CDKL4: variants seen among roughly 807,000 people sequenced by gnomAD.
CDKL4 encodes cyclin dependent kinase like 4.
A neutral mutation model predicts 42.0 loss-of-function variants in CDKL4; 44 were observed. The observed-to-expected ratio is 1.05, with a 90% CI of 0.82 to 1.35. The LOEUF is 1.35. CDKL4 is among the 40% of genes most tolerant of loss of function. The pLI is 0.00. For synonymous variants in CDKL4, 120 were observed against 121.6 expected (o/e 0.99, Z 0.09); for missense variants, 393 against 369.9 (o/e 1.06, Z -0.51).
At chr2:39,179,703 G>A (rs1044309192) in intron 8 of CDKL4, among the ~76,000 whole-genome samples, 2 of 152,180 alleles carry the variant, frequency 1.3e-5, no homozygotes, top group Admixed American at 6.6e-5. Flanking sequence ...CCTATACCCC[G>A]CCTGCCAAAG....
intron 1 of CDKL4, among the ~76,000 whole-genome samples, chr2:39,240,984 T>C (rs1057064305): frequency 2.0e-5 from 3 of 152,248 alleles, no homozygotes; most frequent in Non-Finnish European, 2.9e-5. Flanking sequence ...CTGTTCCAGA[T>C]TGAAGACTAG....
At chr2:39,173,846 G>T (rs968539799), downstream of CDKL4, among the ~76,000 whole-genome samples, 2 of 150,692 alleles carry the variant, frequency 1.3e-5, no homozygotes, top group Non-Finnish European at 3.0e-5. Context: ...AGCTGGGCAT[G>T]GTGGCATGTC....
At chr2:39,245,812 G>A (rs1007536847), upstream of CDKL4, among the ~76,000 whole-genome samples, 16 of 152,164 alleles carry the variant, frequency 1.1e-4, no homozygotes, top group African/African-American at 3.9e-4. Flanking sequence ...TACCTTTTCA[G>A]CAGACTTCTG....
At chr2:39,180,976 T>G (rs933335144) in intron 8 of CDKL4, among the ~76,000 whole-genome samples, 2 of 152,234 alleles carry the variant, frequency 1.3e-5, no homozygotes, top group Admixed American at 1.3e-4. Context: ...CGTGAGCCAC[T>G]GCACCTGGCC....
intron 8 of CDKL4, among the ~76,000 whole-genome samples, chr2:39,181,957 T>C (rs1350084217): frequency 6.6e-6 from 1 of 152,166 alleles, no homozygotes; most frequent in African/African-American, 2.4e-5. Context: ...TCCTTTCAAA[T>C]ATATCTTGAA....
chr2:39,196,754 C>T (rs1052240574), intron 5 of CDKL4, among the ~76,000 whole-genome samples: 3 of 152,166 alleles, frequency 2.0e-5, no homozygotes, highest in African/African-American at 7.2e-5. Flanking sequence ...ACTACACGTA[C>T]GTGCTGCCAC....
chr2:39,179,251 G>C (rs34819676), exon 9 of CDKL4: 1 of 1,613,434 alleles, frequency 6.2e-7, no homozygotes, highest in Non-Finnish European at 8.5e-7. Flanking sequence ...CTCTTGAAAA[G>C]AATCAAAGTA....
chr2:39,191,253 G>T (rs1483168777), intron 5 of CDKL4, among the ~76,000 whole-genome samples: 1 of 152,126 alleles, frequency 6.6e-6, no homozygotes, highest in Non-Finnish European at 1.5e-5. Context: ...ACGAAAATTA[G>T]CCAGGCATGG....
At chr2:39,189,262 T>G (rs1358083675) in intron 6 of CDKL4, among the ~76,000 whole-genome samples, 1 of 152,206 alleles carries the variant, frequency 6.6e-6, no homozygotes, top group East Asian at 1.9e-4. Context: ...GGCATGAAGC[T>G]GTGGCTCACT....
At chr2:39,212,383 G>A (rs370582078) in intron 4 of CDKL4, among the ~76,000 whole-genome samples, 11 of 151,522 alleles carry the variant, frequency 7.3e-5, no homozygotes, top group East Asian at 3.9e-4. Context: ...ACAAGCACCC[G>A]CCACCATGCC....
chr2:39,190,169 A>G, intron 6 of CDKL4, 136 bp downstream of exon 6: 1 of 612,052 alleles, frequency 1.6e-6, no homozygotes, highest in Non-Finnish European at 2.6e-6. Flanking sequence ...AGAACTGAGA[A>G]CAACCATCCT....
At chr2:39,181,456 C>G (rs1486209855) in intron 8 of CDKL4, among the ~76,000 whole-genome samples, 1 of 152,200 alleles carries the variant, frequency 6.6e-6, no homozygotes, top group Admixed American at 6.5e-5. Context: ...CAGACCTCCC[C>G]TGTGAACTCC....
chr2:39,201,895 C>G (rs539520643), intron 5 of CDKL4, among the ~76,000 whole-genome samples: 61 of 152,270 alleles, frequency 4.0e-4, no homozygotes, highest in Middle Eastern at 6.8e-3. Flanking sequence ...GTACACTGCT[C>G]AGGTGGTGGG....
intron 8 of CDKL4, among the ~76,000 whole-genome samples, chr2:39,181,605 C>A (rs1675441308): frequency 6.6e-6 from 1 of 152,170 alleles, no homozygotes; most frequent in Admixed American, 6.5e-5. Flanking sequence ...GAAATAAGTT[C>A]TTTGCAGATG....
intron 9 of CDKL4, among the ~76,000 whole-genome samples, chr2:39,177,591 G>A (rs1271285985): frequency 6.6e-6 from 1 of 151,810 alleles, no homozygotes; most frequent in Non-Finnish European, 1.5e-5. Flanking sequence ...TTTTAGTAGA[G>A]ATGGGGTTTT....
chr2:39,212,231 T>C (rs1276286138), intron 4 of CDKL4, among the ~76,000 whole-genome samples: 4 of 150,396 alleles, frequency 2.7e-5, no homozygotes, highest in Non-Finnish European at 4.4e-5. Context: ...AAAAAATTAA[T>C]GAATTTTTTT....
intron 8 of CDKL4, among the ~76,000 whole-genome samples, chr2:39,181,565 TC>T (rs143698029): frequency 0.081 from 12,347 of 152,196 alleles, 1,730 homozygotes; most frequent in African/African-American, 0.28. Context: ...AAGTTCTAAC[TC>T]CCAGGACCTC....
At chr2:39,217,563 G>C (rs1678005839) in intron 3 of CDKL4, among the ~76,000 whole-genome samples, 1 of 152,028 alleles carries the variant, frequency 6.6e-6, no homozygotes, top group Admixed American at 6.6e-5. Flanking sequence ...ATCCAGCCTT[G>C]TTACTATGGC....
At chr2:39,244,393 C>T (rs2148418326), upstream of CDKL4, among the ~76,000 whole-genome samples, 1 of 152,384 alleles carries the variant, frequency 6.6e-6, no homozygotes. Context: ...CTGCCGACCC[C>T]GGGCAATGAG....
Sources: allele counts gnomAD v4.1 joint callset (sites outside exome capture counted in the v4.1 genomes callset), GRCh38; gene constraint gnomAD v4.1.1; transcripts MANE v1.5; gene names NCBI Gene and HGNC (gene_info 2026-07-23, HGNC 2026-07-21).